The following DLGAP2 variants were observed in gnomAD, a reference collection of about 807,000 sequenced individuals.
DLGAP2 encodes the protein disks large-associated protein 2.
DLGAP2 carries 26 observed loss-of-function variants against 100.3 expected under a neutral mutation model. That is an observed-to-expected ratio of 0.26 (90% CI 0.19 to 0.36). DLGAP2 has a LOEUF of 0.36. DLGAP2 is among the 10% of genes least tolerant of loss of function. DLGAP2 has a pLI of 1.00. For synonymous variants in DLGAP2, 886 were observed against 630.1 expected (o/e 1.41, Z -6.08); for missense variants, 1,858 against 1,453.2 (o/e 1.28, Z -4.53).
intron 3 of DLGAP2, among the ~76,000 whole-genome samples, chr8:1,310,757 A>G (rs1189126223): frequency 2.0e-5 from 3 of 152,136 alleles, no homozygotes; most frequent in Non-Finnish European, 2.9e-5. Context: ...TTCTGGGTTC[A>G]GGCAATTCTC....
chr8:1,037,951 C>T (rs73176540), intron 2 of DLGAP2, among the ~76,000 whole-genome samples: 1,608 of 152,334 alleles, frequency 0.011, 12 homozygotes, highest in Non-Finnish European at 0.017. Flanking sequence ...TTGAGAACCT[C>T]TGCGCTAAGC....
At position 1,252,220 on chromosome 8, in the gene DLGAP2, T is replaced by G. The variant is rs60379640; in HGVS notation, c.74-6631T>G. ...TCATGTCACACTTGTCACACTGTGG[T>G]GTTGTCACATGGGTGTGTTGTGTTG... is the stretch of plus-strand genomic sequence containing the variant. On this transcript the variant is annotated intron_variant, in intron 2 of 14. Coordinates refer to ENST00000637795, the MANE Select transcript of DLGAP2 (RefSeq NM_001346810.2). Among the ~76,000 whole-genome samples the G allele has an allele frequency of 7.1e-3, 1,085 of 151,826 alleles. 10 individuals carry two copies. The highest frequency in any genetic ancestry group is 0.025 in the African/African-American group (1,032 of 41,312).
intron 3 of DLGAP2, among the ~76,000 whole-genome samples, chr8:1,422,273 G>A (rs1234305344): frequency 6.6e-6 from 1 of 152,148 alleles, no homozygotes; most frequent in Non-Finnish European, 1.5e-5. Context: ...GAAGACCAGG[G>A]ATAGAAAAAT....
intron 2 of DLGAP2, among the ~76,000 whole-genome samples, chr8:1,193,871 G>T (rs543244250): frequency 1.3e-5 from 2 of 152,082 alleles, no homozygotes; most frequent in African/African-American, 4.8e-5. Context: ...TAGAGCCTCC[G>T]CACCGCGCCG....
intron 1 of DLGAP2, among the ~76,000 whole-genome samples, chr8:771,205 T>C (rs1300138184): frequency 1.3e-5 from 2 of 152,214 alleles, no homozygotes; most frequent in Non-Finnish European, 2.9e-5. Context: ...TATTGCTACT[T>C]TCTGTCCACA....
intron 3 of DLGAP2, among the ~76,000 whole-genome samples, chr8:1,426,152 G>C (rs1431758094): frequency 1.3e-5 from 2 of 152,074 alleles, no homozygotes; most frequent in Non-Finnish European, 2.9e-5. Flanking sequence ...TCACCTCAAG[G>C]CCACACATGC....
chr8:1,676,509 A>G, intron 10 of DLGAP2, 24 bp from the exon 11 acceptor site: 2 of 1,606,824 alleles, frequency 1.2e-6, no homozygotes, highest in Non-Finnish European at 8.5e-7. Flanking sequence ...CAGTTCTAAA[A>G]TAAGACGTTC....
intron 2 of DLGAP2, among the ~76,000 whole-genome samples, chr8:1,176,248 G>C (rs777436193): frequency 6.3e-4 from 96 of 152,154 alleles, no homozygotes; most frequent in Non-Finnish European, 1.2e-3. Flanking sequence ...ATCAGACCTC[G>C]TGAGAATTCC....
chr8:990,313 C>T (rs140880399), intron 2 of DLGAP2, among the ~76,000 whole-genome samples: 1,902 of 145,396 alleles, frequency 0.013, 29 homozygotes, highest in Middle Eastern at 0.022. Context: ...TGGCCCAGAC[C>T]CCCTGCACCC....
chr8:1,564,570 C>T (rs973782360), intron 5 of DLGAP2, among the ~76,000 whole-genome samples: 3 of 152,232 alleles, frequency 2.0e-5, no homozygotes, highest in African/African-American at 7.2e-5. Context: ...GGGCCCAGTT[C>T]TGTGCCTGGC....
intron 10 of DLGAP2, among the ~76,000 whole-genome samples, chr8:1,672,827 T>G (rs1798724366): frequency 6.6e-6 from 1 of 152,322 alleles, no homozygotes; most frequent in Non-Finnish European, 1.5e-5. Flanking sequence ...GGAGTTTGCA[T>G]CAGATTCAGG....
rs11994792 is a variant in DLGAP2, at chr8:831,604, C to G, written c.19-76308C>G. Reference sequence around the variant, plus strand: ...TGTATATGTGCCACATTTTCTTAATCTAGTCTATCATTGATGGACATTTGG... The same window carrying G: ...TGTATATGTGCCACATTTTCTTAATGTAGTCTATCATTGATGGACATTTGG... On this transcript the variant is annotated intron_variant, in intron 1 of 14. Coordinates refer to ENST00000637795, the MANE Select transcript of DLGAP2 (RefSeq NM_001346810.2). Among the ~76,000 whole-genome samples, 379 of 152,262 alleles carry G rather than the reference C, an allele frequency of 2.5e-3. 1 individual carries two copies. Among genetic ancestry groups the G allele is most frequent in the African/African-American group, 8.5e-3 (352 of 41,544 alleles).
chr8:1,485,765 T>A (rs973247881), intron 3 of DLGAP2, among the ~76,000 whole-genome samples: 8 of 152,148 alleles, frequency 5.3e-5, no homozygotes, highest in African/African-American at 1.9e-4. Flanking sequence ...TGGCTCATGC[T>A]TGTAATCCCA....
chr8:1,706,290 C>T lies in DLGAP2; in HGVS notation c.*4884C>T, dbSNP rs1340173397. 6.6e-6 allele frequency: 1 copy of T among 152,216 alleles called. No individual in the cohort carries two copies. The highest frequency in any genetic ancestry group is 2.4e-5 in the African/African-American group (1 of 41,444). 9.4% of individuals were successfully genotyped at this position (152,216 alleles called of 1,614,324 possible). On this transcript the variant is annotated 3_prime_UTR_variant, in exon 15 of 15. Transcript: ENST00000637795. The stretch of plus-strand genomic sequence containing the variant: ...TTTTTTTCCTCTAGAAAGGGGATTA[C>T]AGTTCCTGTCCCTGTCTTCCTCCAG...
intron 6 of DLGAP2, among the ~76,000 whole-genome samples, chr8:1,604,975 G>A (rs1451937391): frequency 1.3e-5 from 2 of 152,192 alleles, no homozygotes; most frequent in African/African-American, 2.4e-5. Flanking sequence ...TGGAGTACTT[G>A]TGGTGTAACA....
intron 3 of DLGAP2, among the ~76,000 whole-genome samples, chr8:1,335,061 C>G (rs1394555562): frequency 6.6e-6 from 1 of 152,204 alleles, no homozygotes; most frequent in Non-Finnish European, 1.5e-5. Flanking sequence ...AAATTCAGGG[C>G]AAACCATAGT....
intron 3 of DLGAP2, among the ~76,000 whole-genome samples, chr8:1,431,379 C>G (rs138137427): frequency 3.3e-5 from 5 of 152,384 alleles, no homozygotes; most frequent in African/African-American, 1.2e-4. Flanking sequence ...GACTGCACGT[C>G]TGATCCATGC....
intron 3 of DLGAP2, among the ~76,000 whole-genome samples, chr8:1,317,507 G>T (rs1485352712): frequency 3.7e-4 from 52 of 138,928 alleles, no homozygotes; most frequent in Admixed American, 9.8e-4. Flanking sequence ...GAGACACTTG[G>T]CAGCGTTTAA....
chr8:1,145,776 A>C (rs1327297094), intron 2 of DLGAP2, among the ~76,000 whole-genome samples: 37 of 100,494 alleles, frequency 3.7e-4, no homozygotes, highest in East Asian at 7.4e-4. Flanking sequence ...CCCCCACCCC[A>C]CAATAGTCCC....
Sources: allele counts gnomAD v4.1 joint callset (sites outside exome capture counted in the v4.1 genomes callset), GRCh38; gene constraint gnomAD v4.1.1; transcripts MANE v1.5; gene names NCBI Gene and HGNC (gene_info 2026-07-23, HGNC 2026-07-21).